The following C7 variants were observed in gnomAD, a reference collection of about 807,000 sequenced individuals.
C7 encodes complement component C7.
A neutral mutation model predicts 104.8 loss-of-function variants in C7; 83 were observed. The ratio of observed to expected loss-of-function variants is 0.79; its 90% CI spans 0.66 to 0.95. C7 has a LOEUF of 0.95. Ranked by LOEUF, C7 falls within the 40% of genes least tolerant of loss-of-function variation. The pLI, the probability that C7 is intolerant of heterozygous loss-of-function variation, is 0.00. For synonymous variants in C7, 415 were observed against 360.6 expected (o/e 1.15, Z -1.71); for missense variants, 1,070 against 1,011.2 (o/e 1.06, Z -0.79).
intron 16 of C7, 80 bp from the exon 17 acceptor site, chr5:40,979,645 A>T: frequency 8.3e-7 from 1 of 1,197,794 alleles, no homozygotes; most frequent in Non-Finnish European, 1.2e-6. Flanking sequence ...CACTAAGCTC[A>T]GAGCATCACT....
chr5:40,948,618 A>G (rs1348202227), intron 8 of C7, among the ~76,000 whole-genome samples: 1 of 152,192 alleles, frequency 6.6e-6, no homozygotes, highest in Non-Finnish European at 1.5e-5. Flanking sequence ...TTGAGAGAAG[A>G]GTCCTCACTA....
intron 1 of C7, among the ~76,000 whole-genome samples, chr5:40,914,344 T>C (rs952241510): frequency 6.6e-6 from 1 of 152,202 alleles, no homozygotes; most frequent in African/African-American, 2.4e-5. Flanking sequence ...TTTGAGTTTC[T>C]TGTAGATTCT....
intron 14 of C7, chr5:40,972,012 C>T (rs890635816): frequency 2.0e-5 from 9 of 450,538 alleles, no homozygotes; most frequent in Non-Finnish European, 4.0e-5. Context: ...TTTCAGACGG[C>T]AAAATATCCA....
chr5:40,915,792 G>T (rs1739305625), intron 1 of C7, among the ~76,000 whole-genome samples: 1 of 152,004 alleles, frequency 6.6e-6, no homozygotes, highest in Non-Finnish European at 1.5e-5. Context: ...AACTCTAACA[G>T]CCAGAAGCAG....
At chr5:40,933,111 A>G (rs1348939929) in intron 3 of C7, among the ~76,000 whole-genome samples, 2 of 152,208 alleles carry the variant, frequency 1.3e-5, no homozygotes, top group Non-Finnish European at 2.9e-5. Flanking sequence ...ACCGAGTTCC[A>G]TTCCCCACTC....
chr5:40,952,478 T>TTTATTTATTTATTTATTTATTTA (rs1740191981), intron 9 of C7, among the ~76,000 whole-genome samples: 2 of 149,224 alleles, frequency 1.3e-5, no homozygotes, highest in African/African-American at 4.9e-5. Flanking sequence ...CTGTAATTCT[T>TTTATTTATTTATTTATTTATTTA]TTTATTTATT....
Position 40,945,242 on chromosome 5 carries a change from T to C in C7, c.612T>C (p.Thr204=), listed in dbSNP as rs371319642. The C allele has an allele frequency of 5.8e-6, 9 of 1,552,690 alleles. No individual in the cohort carries two copies. The African/African-American group carries it at 1.2e-4, about 21-fold the overall frequency. ...NDFNYEFYNS[T]WSYVKHTSTE... The stretch of plus-strand genomic sequence containing the variant: ...TTAATTATGAATTTTACAATAGTAC[T>C]TGGTCTTATGTAAAACATACGTCGA... Residue 204 remains threonine (T), a synonymous_variant, in exon 7 of 18, where the codon ACT becomes ACC. Coordinates refer to ENST00000313164, the MANE Select transcript of C7 (RefSeq NM_000587.4).
chr5:40,965,642 A>ATT (rs1472269042), intron 14 of C7, among the ~76,000 whole-genome samples: 6 of 60,282 alleles, frequency 1.0e-4, no homozygotes, highest in African/African-American at 2.4e-4. Context: ...ATATATATAT[A>ATT]TATATATTTT....
intron 15 of C7, 83 bp from the exon 16 acceptor site, chr5:40,976,667 C>T (rs1203902185): frequency 3.4e-6 from 3 of 880,968 alleles, no homozygotes; most frequent in Admixed American, 2.3e-5. Context: ...ACTACAGACC[C>T]TGGTCCAGCA....
intron 1 of C7, among the ~76,000 whole-genome samples, chr5:40,915,364 C>G (rs889338322): frequency 6.6e-6 from 1 of 152,102 alleles, no homozygotes; most frequent in Non-Finnish European, 1.5e-5. Context: ...ACCCACTCCT[C>G]CCTCATTACA....
intron 3 of C7, among the ~76,000 whole-genome samples, chr5:40,931,700 G>A (rs547924319): frequency 1.3e-5 from 2 of 152,344 alleles, no homozygotes; most frequent in South Asian, 4.1e-4. Context: ...ATTATAAAAT[G>A]TTCACTGGAG....
In C7 at chr5:40,937,578, G is replaced by T; in HGVS notation, c.455G>T (p.Arg152Met). 1 of 1,611,620 alleles carries T rather than the reference G, an allele frequency of 6.2e-7. No individual in the cohort carries two copies. The highest frequency in any genetic ancestry group is 8.5e-7 in the Non-Finnish European group (1 of 1,178,778). The change falls in exon 6 of 18, where the codon AGG (arginine) becomes ATG (methionine). Residue 152 changes from arginine (R) to methionine (M), a missense_variant. Transcript: ENST00000313164. ...NGYNELTGQF[R>M]NRVINTKSFG... ...TACAATGAACTCACTGGCCAGTTTA[G>T]GAACAGAGTCATCAATACCAAAAGT...
intron 2 of C7, 24 bp downstream of exon 2, chr5:40,928,659 T>TA: frequency 1.4e-6 from 2 of 1,415,362 alleles, no homozygotes; most frequent in Non-Finnish European, 1.9e-6. Context: ...GGGTTGTGTG[T>TA]AAAAATCATT....
At chr5:40,912,267 A>T (rs915925981) in intron 1 of C7, among the ~76,000 whole-genome samples, 4 of 152,340 alleles carry the variant, frequency 2.6e-5, no homozygotes, top group Admixed American at 2.6e-4. Flanking sequence ...GTCTTGTAAT[A>T]AGCAGACCTT....
At chr5:40,920,926 A>G (rs1473638213) in intron 1 of C7, among the ~76,000 whole-genome samples, 2 of 152,010 alleles carry the variant, frequency 1.3e-5, no homozygotes, top group African/African-American at 4.8e-5. Flanking sequence ...GTGCACGCCT[A>G]TAATCTCAGC....
At chr5:40,975,936 G>A (rs3792647) in intron 15 of C7, among the ~76,000 whole-genome samples, 27,258 of 152,156 alleles carry the variant, frequency 0.18, 2,953 homozygotes, top group Middle Eastern at 0.36. Context: ...TTGTAATAAA[G>A]CTATTACGAG....
Position 40,982,654 on chromosome 5 carries a change from G to A in C7, c.*1081G>A, listed in dbSNP as rs1740975481. 1 of 152,296 alleles carries A rather than the reference G, an allele frequency of 6.6e-6. No individual in the cohort carries two copies. The highest frequency in any genetic ancestry group is 1.5e-5 in the Non-Finnish European group (1 of 68,042). 9.4% of individuals were successfully genotyped at this position (152,296 alleles called of 1,614,324 possible). ...GTTCATGCCTGAGGCATGAGTGACT[G>A]TGCATTTGAGAATAGTTTTCCCTAT... On this transcript the variant is annotated 3_prime_UTR_variant, in exon 18 of 18. Coordinates refer to ENST00000313164, the MANE Select transcript of C7 (RefSeq NM_000587.4).
intron 1 of C7, among the ~76,000 whole-genome samples, chr5:40,925,810 G>A (rs1318813051): frequency 6.6e-6 from 1 of 152,172 alleles, no homozygotes; most frequent in Non-Finnish European, 1.5e-5. Context: ...AACAGTGGGT[G>A]CAAGAGATAA....
At chr5:40,977,849 C>G (rs1263503268) in intron 16 of C7, among the ~76,000 whole-genome samples, 1 of 152,126 alleles carries the variant, frequency 6.6e-6, no homozygotes, top group Non-Finnish European at 1.5e-5. Flanking sequence ...AAAACCAACA[C>G]ATGACCTGGT....
Sources: allele counts gnomAD v4.1 joint callset (sites outside exome capture counted in the v4.1 genomes callset), GRCh38; gene constraint gnomAD v4.1.1; transcripts MANE v1.5; gene names NCBI Gene and HGNC (gene_info 2026-07-23, HGNC 2026-07-21).